The following ITPRID1 variants were observed in gnomAD, a reference collection of about 807,000 sequenced individuals.
ITPRID1 encodes ITPR interacting domain containing 1.
In ITPRID1, 96 loss-of-function variants were observed where a neutral mutation model predicts 95.4. That is an observed-to-expected ratio of 1.01 (90% confidence interval 0.85 to 1.19). The LOEUF (loss-of-function observed/expected upper bound fraction) is 1.19, where lower values mean the gene tolerates loss of function less well. Ranked by LOEUF, ITPRID1 falls within the 50% of genes most tolerant of loss-of-function variation. The pLI, the probability that ITPRID1 is intolerant of heterozygous loss-of-function variation, is 0.00. For synonymous variants in ITPRID1, 510 were observed against 453.6 expected (o/e 1.12, Z -1.58); for missense variants, 1,339 against 1,252.9 (o/e 1.07, Z -1.04).
chr7:31,549,567 C>G, intron 2 of ITPRID1, 68 bp downstream of exon 2: 1 of 1,132,166 alleles, frequency 8.8e-7, no homozygotes, highest in Non-Finnish European at 1.2e-6. Context: ...ATTTCATACT[C>G]ATTATAGATA....
intron 1 of ITPRID1, among the ~76,000 whole-genome samples, chr7:31,516,184 C>A (rs1185433240): frequency 6.6e-6 from 1 of 152,090 alleles, no homozygotes; most frequent in Non-Finnish European, 1.5e-5. Flanking sequence ...TAATAATAAA[C>A]CCTCTTTGTA....
chr7:31,520,539 G>T (rs1783209749), intron 1 of ITPRID1, among the ~76,000 whole-genome samples: 1 of 73,046 alleles, frequency 1.4e-5, no homozygotes, highest in South Asian at 4.3e-4. Flanking sequence ...GTGTGTGTGT[G>T]TGTGTGTGTG....
rs561648776 is a variant in ITPRID1, at chr7:31,655,159, T to C, written c.*2330T>C. ...GACCTGGAAGACTTGGCTGTATGTC[T>C]CACTCTTGGCTAAAGCTGACCTGGT... On this transcript the variant is annotated 3_prime_UTR_variant, in exon 15 of 15. Coordinates refer to ENST00000615280, the MANE Select transcript of ITPRID1 (RefSeq NM_001257967.3). Among the ~76,000 whole-genome samples the C allele has an allele frequency of 6.6e-6, 1 of 152,258 alleles. No individual in the cohort carries two copies. The highest frequency in any genetic ancestry group is 6.5e-5 in the Admixed American group (1 of 15,284).
At chr7:31,568,021 G>A (rs1374933060) in intron 5 of ITPRID1, among the ~76,000 whole-genome samples, 1 of 151,774 alleles carries the variant, frequency 6.6e-6, no homozygotes, top group East Asian at 1.9e-4. Flanking sequence ...AGCTACTTGG[G>A]AGGCTGAGGC....
intron 12 of ITPRID1, among the ~76,000 whole-genome samples, chr7:31,645,919 G>A (rs1488221073): frequency 1.3e-5 from 2 of 152,016 alleles, no homozygotes; most frequent in Non-Finnish European, 2.9e-5. Context: ...ACATTTACCC[G>A]ATCACGTAGT....
intron 10 of ITPRID1, among the ~76,000 whole-genome samples, chr7:31,592,155 CA>C (rs1447395597): frequency 1.3e-5 from 2 of 152,142 alleles, no homozygotes; most frequent in African/African-American, 2.4e-5. Flanking sequence ...TCAAAGATAA[CA>C]GGACTCCCCA....
At chr7:31,647,462 G>A (rs1228261660) in intron 12 of ITPRID1, among the ~76,000 whole-genome samples, 1 of 146,696 alleles carries the variant, frequency 6.8e-6, no homozygotes, top group African/African-American at 2.5e-5. Flanking sequence ...AGGGCTTCGA[G>A]AACAGCCTGG....
chr7:31,620,398 C>CCAACAGACCTGCAG (rs1787741851), intron 10 of ITPRID1, among the ~76,000 whole-genome samples: 1 of 151,868 alleles, frequency 6.6e-6, no homozygotes, highest in Non-Finnish European at 1.5e-5. Context: ...GCCGGGTACT[C>CCAACAGACCTGCAG]CTCTGAGACA....
intron 1 of ITPRID1, among the ~76,000 whole-genome samples, chr7:31,545,134 A>G (rs1024426403): frequency 1.3e-5 from 2 of 152,156 alleles, no homozygotes; most frequent in Admixed American, 1.3e-4. Flanking sequence ...AGGGGTGAAG[A>G]GTGAGAAAGA....
chr7:31,567,724 C>G (rs1583507921), intron 5 of ITPRID1, among the ~76,000 whole-genome samples: 1 of 152,032 alleles, frequency 6.6e-6, no homozygotes, highest in Non-Finnish European at 1.5e-5. Flanking sequence ...TGTCACCCTG[C>G]CTGACTCTTA....
chr7:31,561,416 T>G (rs1011287743), intron 5 of ITPRID1, among the ~76,000 whole-genome samples: 1 of 151,784 alleles, frequency 6.6e-6, no homozygotes, highest in Admixed American at 6.6e-5. Flanking sequence ...GTTCTGAGAC[T>G]TCTCCACTTG....
chr7:31,602,646 T>C (rs2128160518), intron 10 of ITPRID1, among the ~76,000 whole-genome samples: 1 of 152,218 alleles, frequency 6.6e-6, no homozygotes, highest in South Asian at 2.1e-4. Flanking sequence ...AACAAAGGGC[T>C]GGGTAGTCGC....
intron 10 of ITPRID1, among the ~76,000 whole-genome samples, chr7:31,587,143 A>G (rs1337944344): frequency 4.6e-5 from 7 of 152,186 alleles, no homozygotes; most frequent in Non-Finnish European, 2.9e-5. Flanking sequence ...GGCCAGGGCA[A>G]TTAGGCAGGA....
intron 5 of ITPRID1, among the ~76,000 whole-genome samples, chr7:31,564,088 G>A (rs1352422466): frequency 1.3e-5 from 2 of 151,916 alleles, no homozygotes; most frequent in Non-Finnish European, 2.9e-5. Context: ...CCATGAATCA[G>A]TCAGAAATGC....
chr7:31,564,024 G>A (rs749084861), intron 5 of ITPRID1, among the ~76,000 whole-genome samples: 1 of 152,142 alleles, frequency 6.6e-6, no homozygotes, highest in Non-Finnish European at 1.5e-5. Flanking sequence ...AGAGCCCTGC[G>A]AAAATGTAAT....
chr7:31,620,842 G>A lies in ITPRID1; in HGVS notation c.1229-21334G>A, dbSNP rs549666821. ...GGAGGAAATTCAAACCAAAGGCAAA[G>A]AAGTTAAAAACTTTGAAAAAAATTT... On this transcript the variant is annotated intron_variant, in intron 10 of 14. Coordinates refer to ENST00000615280, the MANE Select transcript of ITPRID1 (RefSeq NM_001257967.3). 1.8e-4 allele frequency among the ~76,000 whole-genome samples: 28 copies of A among 152,232 alleles called. 1 individual carries two copies. The East Asian group carries it at 5.4e-3, about 29-fold the overall frequency.
At chr7:31,624,998 T>C (rs1273488415) in intron 10 of ITPRID1, among the ~76,000 whole-genome samples, 1 of 152,200 alleles carries the variant, frequency 6.6e-6, no homozygotes, top group African/African-American at 2.4e-5. Flanking sequence ...AAGACATTTA[T>C]GCAGTCAAAA....
rs1298289375 is a variant in ITPRID1, at chr7:31,652,017, C to T, written c.2790C>T (p.Asp930=). The T allele has an allele frequency of 1.2e-6, 2 of 1,603,298 alleles. No homozygotes were observed. The highest frequency in any genetic ancestry group is 1.7e-6 in the Non-Finnish European group (2 of 1,175,128). ...QVAELEFQLG[D]RAQQIREGIL... ...CAGAGTTGGAATTTCAGTTAGGAGA[C>T]CGGGCTCAGCAAATCAGAGAAGGGA... The change falls in exon 14 of 15, where the codon GAC becomes GAT. Residue 930 remains aspartate, a synonymous_variant. Transcript: ENST00000615280.
chr7:31,516,982 T>C (rs950468549), intron 1 of ITPRID1, among the ~76,000 whole-genome samples: 2 of 152,242 alleles, frequency 1.3e-5, no homozygotes, highest in African/African-American at 4.8e-5. Flanking sequence ...CTTCGTGGTC[T>C]GGCTGACTTT....
Sources: gnomAD v4.1 joint callset for allele counts (sites outside exome capture counted in the v4.1 genomes callset) on GRCh38, gnomAD v4.1.1 for gene constraint, MANE v1.5 for transcripts, NCBI Gene and HGNC (gene_info 2026-07-23, HGNC 2026-07-21) for gene names.